Variants in UGCG observed in about 807,000 individuals in gnomAD.
UGCG encodes ceramide glucosyltransferase.
A neutral mutation model predicts 49.5 loss-of-function variants in UGCG; 10 were observed. The observed-to-expected ratio is 0.20, with a 90% CI of 0.12 to 0.34. The LOEUF is 0.34. UGCG is among the 10% of genes least tolerant of loss of function. The probability of loss-of-function intolerance (pLI) is 1.00; values close to 1 mark genes in which losing one functional copy is unlikely to be tolerated. For synonymous variants in UGCG, 182 were observed against 158.2 expected (o/e 1.15, Z -1.13); for missense variants, 312 against 483.7 (o/e 0.65, Z 3.33).
intron 1 of UGCG, among the ~76,000 whole-genome samples, chr9:111,899,782 TTA>T (rs1349931535): frequency 2.0e-5 from 3 of 152,210 alleles, no homozygotes; most frequent in Admixed American, 6.5e-5. Context: ...TTTTACTTCG[TTA>T]TATGAGAGCT....
intron 1 of UGCG, among the ~76,000 whole-genome samples, chr9:111,913,063 G>T (rs1238714871): frequency 2.0e-5 from 3 of 152,150 alleles, no homozygotes; most frequent in Non-Finnish European, 2.9e-5. Flanking sequence ...TTTAATAGTG[G>T]ATTTTATCAA....
At position 111,909,476 on chromosome 9, in the gene UGCG, A is replaced by C. The variant is rs568974361; in HGVS notation, c.99-5129A>C. 5.9e-5 allele frequency among the ~76,000 whole-genome samples: 9 copies of C among 152,324 alleles called. No individual in the cohort carries two copies. The South Asian group carries it at 1.9e-3, about 32-fold the overall frequency. On this transcript the variant is annotated intron_variant, in intron 1 of 8. Transcript: ENST00000374279. The stretch of plus-strand genomic sequence containing the variant: ...TTCCACCTGTGGAACGATTCTCCAG[A>C]GCAAAGCTTTGTTGACATCTTTAAG...
At chr9:111,931,250 T>G in intron 6 of UGCG, 21 bp from the exon 7 acceptor site, 1 of 1,611,126 alleles carries the variant, frequency 6.2e-7, no homozygotes, top group Non-Finnish European at 8.5e-7. Flanking sequence ...TAACTTATTT[T>G]CTAATTATCT....
chr9:111,919,312 G>A (rs931739279), intron 2 of UGCG, among the ~76,000 whole-genome samples: 6 of 151,910 alleles, frequency 3.9e-5, no homozygotes, highest in East Asian at 1.9e-4. Flanking sequence ...CCAGCTCGTC[G>A]TCTGTACTAA....
chr9:111,904,520 G>A (rs754342290), intron 1 of UGCG, among the ~76,000 whole-genome samples: 2 of 151,898 alleles, frequency 1.3e-5, no homozygotes, highest in Non-Finnish European at 2.9e-5. Context: ...TTTGCCCTTC[G>A]GCTAGCTCTT....
intron 1 of UGCG, among the ~76,000 whole-genome samples, chr9:111,913,319 T>C (rs961891235): frequency 1.3e-5 from 2 of 152,236 alleles, no homozygotes; most frequent in Non-Finnish European, 2.9e-5. Context: ...ACATATTTAC[T>C]AGAAGTAGGA....
At chr9:111,910,720 G>A (rs1184904714) in intron 1 of UGCG, among the ~76,000 whole-genome samples, 1 of 152,144 alleles carries the variant, frequency 6.6e-6, no homozygotes, top group Admixed American at 6.6e-5. Flanking sequence ...GTGGTGAGGT[G>A]TTCTCCAAGA....
intron 2 of UGCG, among the ~76,000 whole-genome samples, chr9:111,916,705 A>G (rs570152189): frequency 1.6e-4 from 24 of 151,856 alleles, no homozygotes; most frequent in African/African-American, 4.1e-4. Context: ...GGCTCAAGCA[A>G]TCCCCCCACC....
intron 1 of UGCG, among the ~76,000 whole-genome samples, chr9:111,898,938 C>G (rs917668503): frequency 6.6e-6 from 1 of 152,170 alleles, no homozygotes; most frequent in Non-Finnish European, 1.5e-5. Flanking sequence ...AGGCACTGTT[C>G]TAGTTGCTGG....
At chr9:111,902,632 G>A (rs1373051313) in intron 1 of UGCG, among the ~76,000 whole-genome samples, 3 of 152,184 alleles carry the variant, frequency 2.0e-5, no homozygotes, top group Non-Finnish European at 4.4e-5. Context: ...TTGGAGCAGG[G>A]AAGATAAATT....
chr9:111,916,480 T>C (rs1045795714), intron 2 of UGCG, among the ~76,000 whole-genome samples: 7 of 152,182 alleles, frequency 4.6e-5, no homozygotes, highest in Non-Finnish European at 1.0e-4. Context: ...GTGTTCGTTT[T>C]TGTTTTTAAG....
rs1196381728 is a variant in UGCG, at chr9:111,897,215, G to A, written c.-1G>A. The A allele has an allele frequency of 2.6e-6, 4 of 1,545,856 alleles. No homozygotes were observed. Among genetic ancestry groups the A allele is most frequent in the East Asian group, 2.5e-5 (1 of 40,814 alleles). On this transcript the variant is annotated 5_prime_UTR_variant, in exon 1 of 9. Coordinates refer to ENST00000374279, the MANE Select transcript of UGCG (RefSeq NM_003358.3). ...GCCGGGCCGGTCCGGCGGGCCGGGGGATGGCGCTGCTGGACCTGGCCTTGG... is the reference window on the plus strand; with the variant it reads ...GCCGGGCCGGTCCGGCGGGCCGGGGAATGGCGCTGCTGGACCTGGCCTTGG...
chr9:111,923,695 C>G (rs2118575934), intron 3 of UGCG, among the ~76,000 whole-genome samples: 1 of 152,054 alleles, frequency 6.6e-6, no homozygotes. Context: ...TGCAATGGCA[C>G]AATTTCAGCT....
intron 1 of UGCG, among the ~76,000 whole-genome samples, chr9:111,902,080 G>C (rs1050226904): frequency 3.3e-5 from 5 of 152,186 alleles, no homozygotes; most frequent in African/African-American, 1.2e-4. Context: ...CTTTGGAATT[G>C]TCTTTACTTT....
chr9:111,924,343 T>C (rs1838280048), intron 3 of UGCG, among the ~76,000 whole-genome samples: 1 of 152,200 alleles, frequency 6.6e-6, no homozygotes, highest in African/African-American at 2.4e-5. Context: ...TTATTCATGG[T>C]GGGAAATCTC....
chr9:111,925,858 T>G (rs923900666), intron 4 of UGCG, among the ~76,000 whole-genome samples: 10 of 152,358 alleles, frequency 6.6e-5, no homozygotes, highest in Non-Finnish European at 1.3e-4. Context: ...TCAGAGATGA[T>G]GTTCATTCTT....
chr9:111,917,751 C>T (rs1273209743), intron 2 of UGCG, among the ~76,000 whole-genome samples: 3 of 152,158 alleles, frequency 2.0e-5, no homozygotes, highest in Admixed American at 1.3e-4. Flanking sequence ...ATTCATCTTA[C>T]AAGTCTACTT....
intron 6 of UGCG, among the ~76,000 whole-genome samples, chr9:111,930,508 T>G (rs867377417): frequency 1.4e-5 from 2 of 147,216 alleles, no homozygotes; most frequent in African/African-American, 5.0e-5. Flanking sequence ...CGCCCTGACA[T>G]CCAGGCTGGA....
intron 2 of UGCG, among the ~76,000 whole-genome samples, chr9:111,919,716 A>G (rs1401065173): frequency 1.6e-5 from 2 of 124,612 alleles, no homozygotes; most frequent in South Asian, 4.7e-4. Context: ...AATGGCGTGA[A>G]CCCTGGAGGC....
Sources: gnomAD v4.1 joint callset for allele counts (sites outside exome capture counted in the v4.1 genomes callset) on GRCh38, gnomAD v4.1.1 for gene constraint, MANE v1.5 for transcripts, NCBI Gene and HGNC (gene_info 2026-07-23, HGNC 2026-07-21) for gene names.